CHD7: variants seen among roughly 807,000 people sequenced by gnomAD.
The protein encoded by CHD7 is chromodomain helicase DNA binding protein 7, also known as ATP-dependent chromatin remodeler CHD7.
A neutral mutation model predicts 307.3 loss-of-function variants in CHD7; 24 were observed. That is an observed-to-expected ratio of 0.08 (90% confidence interval 0.06 to 0.11). CHD7 has a LOEUF of 0.11. Ranked by LOEUF, CHD7 falls within the 10% of genes least tolerant of loss-of-function variation. The pLI is 1.00. For missense variants in CHD7, 3,106 were observed against 3,727.1 expected (o/e 0.83, Z 4.34); for synonymous variants, 1,363 against 1,349.9 (o/e 1.01, Z -0.21).
At chr8:60,786,913 G>T (rs1001369089) in intron 3 of CHD7, among the ~76,000 whole-genome samples, 1 of 152,208 alleles carries the variant, frequency 6.6e-6, no homozygotes. Context: ...CAAAGCCACT[G>T]TGCAGAGCAT....
intron 1 of CHD7, among the ~76,000 whole-genome samples, chr8:60,714,407 C>CA (rs1491130591): frequency 1.4e-3 from 1 of 722 alleles, no homozygotes; most frequent in African/African-American, 4.1e-3. Flanking sequence ...CGGGAGAAGG[C>CA]CCCCCCCCCC....
chr8:60,813,996 G>T (rs1232579710), intron 7 of CHD7, among the ~76,000 whole-genome samples: 1 of 152,090 alleles, frequency 6.6e-6, no homozygotes, highest in East Asian at 1.9e-4. Flanking sequence ...ACCATACACT[G>T]TATTATCTGT....
chr8:60,791,557 A>G (rs1300297530), intron 3 of CHD7, among the ~76,000 whole-genome samples: 1 of 152,240 alleles, frequency 6.6e-6, no homozygotes, highest in African/African-American at 2.4e-5. Context: ...GAAGAGGAAT[A>G]TATGTCTGTG....
Position 60,772,986 on chromosome 8 carries a change from C to T in CHD7, c.1666-8014C>T, listed in dbSNP as rs548629519. 8.0e-4 allele frequency among the ~76,000 whole-genome samples: 122 copies of T among 152,280 alleles called. 5 individuals are homozygous for T. The South Asian group carries it at 0.023, about 29-fold the overall frequency. ...CATGATGTTCACATTGGAGACCCTG[C>T]GTTTTGTTGGGTTATTGCTCTTGTT... On this transcript the variant is annotated intron_variant, in intron 2 of 37. Transcript: ENST00000423902.
chr8:60,798,820 C>A (rs1315400619), intron 4 of CHD7, among the ~76,000 whole-genome samples: 1 of 152,118 alleles, frequency 6.6e-6, no homozygotes, highest in Non-Finnish European at 1.5e-5. Context: ...GTGTCATTTT[C>A]AAATTTAGAT....
intron 1 of CHD7, among the ~76,000 whole-genome samples, chr8:60,734,974 C>T (rs1218833742): frequency 1.3e-5 from 2 of 152,142 alleles, no homozygotes; most frequent in Non-Finnish European, 2.9e-5. Context: ...GTTCACTAAA[C>T]CATGAAGGTC....
At chr8:60,812,537 GC>G (rs1251074404) in intron 7 of CHD7, among the ~76,000 whole-genome samples, 4 of 151,946 alleles carry the variant, frequency 2.6e-5, no homozygotes, top group Non-Finnish European at 4.4e-5. Context: ...GGTGGCGGGT[GC>G]CTGTAATCCC....
intron 1 of CHD7, among the ~76,000 whole-genome samples, chr8:60,726,061 T>C (rs553943053): frequency 6.6e-6 from 1 of 152,370 alleles, no homozygotes; most frequent in African/African-American, 2.4e-5. Context: ...CGATTACTAA[T>C]AGTTTCCTGG....
intron 1 of CHD7, among the ~76,000 whole-genome samples, chr8:60,724,596 GTGTT>G (rs1808077359): frequency 1.3e-5 from 2 of 152,150 alleles, no homozygotes; most frequent in Admixed American, 1.3e-4. Flanking sequence ...TGTAAAGAGA[GTGTT>G]TGAGCCAGAT....
At chr8:60,721,014 T>C (rs1807874177) in intron 1 of CHD7, among the ~76,000 whole-genome samples, 1 of 152,182 alleles carries the variant, frequency 6.6e-6, no homozygotes, top group Non-Finnish European at 1.5e-5. Context: ...GTGGACACTT[T>C]TCTCTTTGTC....
rs1064794401 is a variant in CHD7, at chr8:60,781,087, G to A, written c.1753G>A (p.Asp585Asn). ...GPNAQLVKSDDYLPSIEQQPQ... is the reference protein window; with the variant it reads ...GPNAQLVKSDNYLPSIEQQPQ... Reference sequence around the variant, plus strand: ...GAATGCTCAGCTAGTGAAGAGTGATGATTACCTGCCATCAATAGAACAGCA... The same window carrying A: ...GAATGCTCAGCTAGTGAAGAGTGATAATTACCTGCCATCAATAGAACAGCA... The change falls in exon 3 of 38, where the codon GAT becomes AAT. Residue 585 changes from aspartate (D) to asparagine (N), a missense_variant. Physicochemically the swap from Asp to Asn is conservative, Grantham distance 23. Coordinates refer to ENST00000423902, the MANE Select transcript of CHD7 (RefSeq NM_017780.4). The A allele has an allele frequency of 6.2e-7, 1 of 1,610,818 alleles. No homozygotes were observed. The highest frequency in any genetic ancestry group is 1.7e-5 in the Admixed American group (1 of 59,450).
chr8:60,733,230 T>A (rs990779522), intron 1 of CHD7, among the ~76,000 whole-genome samples: 6 of 84,338 alleles, frequency 7.1e-5, no homozygotes, highest in Non-Finnish European at 1.1e-4. Flanking sequence ...AGCGAGACCC[T>A]GTCTCTTAAA....
chr8:60,841,838 T>A lies in CHD7; in HGVS notation c.4645-9T>A, dbSNP rs766575601. 3 of 1,608,348 alleles carry A rather than the reference T, an allele frequency of 1.9e-6. No homozygotes were observed. The highest frequency in any genetic ancestry group is 2.5e-6 in the Non-Finnish European group (3 of 1,176,750). On this transcript the variant is annotated splice_polypyrimidine_tract_variant and intron_variant, in intron 20 of 37. Coordinates refer to ENST00000423902, the MANE Select transcript of CHD7 (RefSeq NM_017780.4). ...GAAATGTCAAATGTATCTCCTCTTT[T>A]ATTATTAGAACAACCTGGTTATTGA...
intron 1 of CHD7, among the ~76,000 whole-genome samples, chr8:60,728,533 C>T (rs915575087): frequency 6.6e-6 from 1 of 152,120 alleles, no homozygotes; most frequent in East Asian, 1.9e-4. Flanking sequence ...CAAGGTCTTT[C>T]TTTCTTTTTT....
intron 2 of CHD7, among the ~76,000 whole-genome samples, chr8:60,746,946 A>T (rs890600297): frequency 1.7e-4 from 26 of 152,236 alleles, no homozygotes; most frequent in Non-Finnish European, 2.9e-5. Flanking sequence ...CAAACTTTTC[A>T]TCTCAGACCT....
intron 2 of CHD7, among the ~76,000 whole-genome samples, chr8:60,766,115 G>A (rs1810458730): frequency 6.6e-6 from 1 of 152,234 alleles, no homozygotes; most frequent in Non-Finnish European, 1.5e-5. Flanking sequence ...CTAACACTTT[G>A]TCACTTTTGC....
rs1346210224 is a variant in CHD7, at chr8:60,856,152, G to A, written c.7114G>A (p.Ala2372Thr). The A allele has an allele frequency of 6.2e-7, 1 of 1,606,854 alleles. No homozygotes were observed. Among genetic ancestry groups the A allele is most frequent in the Non-Finnish European group, 8.5e-7 (1 of 1,176,548 alleles). ...SFAELSMVGQ[A>T]SISGSEDITT... The stretch of plus-strand genomic sequence containing the variant: ...TGCTGAGCTCTCCATGGTCGGCCAA[G>A]CCAGCATTAGTGGGAGTGAGGACAT... The change falls in exon 33 of 38, where the codon GCC becomes ACC. Residue 2372 changes from alanine (A) to threonine (T), a missense_variant. Around this residue, in one of 10 missense-constraint regions of CHD7, gnomAD observed 1,030 missense variants for 1,165.4 expected, o/e 0.88. Transcript: ENST00000423902.
At position 60,741,539 on chromosome 8, in the gene CHD7, C is replaced by T; in HGVS notation, c.107C>T (p.Pro36Leu). 5 of 1,613,442 alleles carry T rather than the reference C, an allele frequency of 3.1e-6. No individual in the cohort carries two copies. Among genetic ancestry groups the T allele is most frequent in the Non-Finnish European group, 3.4e-6 (4 of 1,179,662 alleles). ...ECGYPENPVN[P>L]MGQQMPIDQG... ...GGTTACCCGGAAAATCCAGTAAATCCTATGGGTCAGCAAATGCCAATAGAC... is the reference window on the plus strand; with the variant it reads ...GGTTACCCGGAAAATCCAGTAAATCTTATGGGTCAGCAAATGCCAATAGAC... Residue 36 changes from proline to leucine, a missense_variant, in exon 2 of 38, where the codon CCT (proline) becomes CTT (leucine). Physicochemically the swap from Pro to Leu is moderately conservative, Grantham distance 98. Around this residue, in one of 10 missense-constraint regions of CHD7, gnomAD observed 998 missense variants for 1,004.5 expected, o/e 0.99. Coordinates refer to ENST00000423902, the MANE Select transcript of CHD7 (RefSeq NM_017780.4).
At chr8:60,848,453 G>T in intron 23 of CHD7, 62 bp from the exon 24 acceptor site, 1 of 1,175,436 alleles carries the variant, frequency 8.5e-7, no homozygotes, top group Non-Finnish European at 1.2e-6. Flanking sequence ...GCTGCCAAAA[G>T]CCACTGTTGG....
Sources: gnomAD v4.1 joint callset for allele counts (sites outside exome capture counted in the v4.1 genomes callset) on GRCh38, gnomAD v4.1.1 for gene constraint, gnomAD v4.1.1 regional missense constraint, MANE v1.5 for transcripts, NCBI Gene and HGNC (gene_info 2026-07-23, HGNC 2026-07-21) for gene names.